Variants in SYNPO2 observed in about 807,000 individuals in gnomAD.
The protein encoded by SYNPO2 is synaptopodin 2.
SYNPO2 carries 56 observed loss-of-function variants against 85.0 expected under a neutral mutation model. That is an observed-to-expected ratio of 0.66 (90% CI 0.53 to 0.82). SYNPO2 has a LOEUF of 0.82. SYNPO2 is among the 40% of genes least tolerant of loss of function. SYNPO2 has a pLI of 0.00. For synonymous variants in SYNPO2, 602 were observed against 591.1 expected, an observed-to-expected ratio of 1.02 and a Z score of -0.27; for missense variants, 1,575 against 1,534.2, an observed-to-expected ratio of 1.03 and a Z score of -0.44.
intron 1 of SYNPO2, among the ~76,000 whole-genome samples, chr4:118,994,938 A>G (rs1487874945): frequency 3.9e-5 from 6 of 152,256 alleles, no homozygotes; most frequent in Admixed American, 6.5e-5. Context: ...TTTTAGGCAT[A>G]TAACCATAGA....
At chr4:118,863,286 C>T (rs554703317) in intron 1 of SYNPO2, among the ~76,000 whole-genome samples, 6 of 152,176 alleles carry the variant, frequency 3.9e-5, no homozygotes, top group Non-Finnish European at 5.9e-5. Flanking sequence ...CTTCAGGCCC[C>T]GATCTTTTGT....
upstream of SYNPO2, among the ~76,000 whole-genome samples, chr4:118,888,374 CTTTT>C (rs2149112366): frequency 6.6e-6 from 1 of 152,196 alleles, no homozygotes; most frequent in Admixed American, 6.5e-5. Context: ...TTTGTGCTTT[CTTTT>C]GTTTCCTCTT....
At chr4:118,948,619 C>T (rs1003219491) in intron 1 of SYNPO2, among the ~76,000 whole-genome samples, 5 of 152,008 alleles carry the variant, frequency 3.3e-5, no homozygotes, top group Admixed American at 6.6e-5. Flanking sequence ...CTTTCAAACA[C>T]GGTGGAAGGG....
chr4:119,056,838 C>A (rs1044902018), intron 4 of SYNPO2, among the ~76,000 whole-genome samples: 1 of 152,138 alleles, frequency 6.6e-6, no homozygotes, highest in African/African-American at 2.4e-5. Context: ...TTAACTACAT[C>A]TAAGAAGCTC....
chr4:118,959,312 G>T (rs80041647), intron 1 of SYNPO2, among the ~76,000 whole-genome samples: 14,570 of 152,282 alleles, frequency 0.096, 794 homozygotes, highest in East Asian at 0.15. Flanking sequence ...CAGTTCCAAA[G>T]AATTTGCTAA....
At chr4:118,875,020 C>G (rs1057069158) in intron 1 of SYNPO2, among the ~76,000 whole-genome samples, 1 of 152,234 alleles carries the variant, frequency 6.6e-6, no homozygotes, top group Non-Finnish European at 1.5e-5. Flanking sequence ...CTCTCCCCAT[C>G]TGACAGGCCC....
intron 1 of SYNPO2, among the ~76,000 whole-genome samples, chr4:118,876,350 C>G (rs190712025): frequency 3.7e-4 from 56 of 152,306 alleles, no homozygotes; most frequent in African/African-American, 1.3e-3. Context: ...TGTCTCAGCT[C>G]AGGGAGGGGT....
chr4:119,028,667 T>G (rs57356077), intron 3 of SYNPO2, among the ~76,000 whole-genome samples: 1,687 of 152,252 alleles, frequency 0.011, 33 homozygotes, highest in African/African-American at 0.039. Context: ...TAAATGCCTG[T>G]AATCATATTA....
At position 118,998,370 on chromosome 4, in the gene SYNPO2, G is replaced by A. The variant is rs72671659; in HGVS notation, c.106-25060G>A. On this transcript the variant is annotated intron_variant, in intron 1 of 4. Coordinates refer to ENST00000307142, the MANE Select transcript of SYNPO2 (RefSeq NM_133477.3). ...ACAAACAAAAGAGAATTATATTATC[G>A]TGTAATATCATGTAATATCGTGTGT... is the stretch of plus-strand genomic sequence containing the variant. Among the ~76,000 whole-genome samples, 1,100 of 152,230 alleles carry A rather than the reference G, an allele frequency of 7.2e-3. 7 individuals carry two copies. The highest frequency in any genetic ancestry group is 0.013 in the Non-Finnish European group (871 of 68,018).
chr4:118,864,985 C>T (rs1006839328), intron 1 of SYNPO2, among the ~76,000 whole-genome samples: 2 of 152,114 alleles, frequency 1.3e-5, no homozygotes, highest in African/African-American at 2.4e-5. Flanking sequence ...ATCAAGGCAT[C>T]GTAAAGGCAG....
intron 1 of SYNPO2, among the ~76,000 whole-genome samples, chr4:118,863,624 T>C (rs749646791): frequency 6.6e-6 from 1 of 152,188 alleles, no homozygotes; most frequent in Non-Finnish European, 1.5e-5. Context: ...TTTATCTTTT[T>C]TTTTTGAGAT....
At chr4:118,989,736 G>C (rs953917541) in intron 1 of SYNPO2, among the ~76,000 whole-genome samples, 2 of 152,220 alleles carry the variant, frequency 1.3e-5, no homozygotes, top group African/African-American at 4.8e-5. Flanking sequence ...TGGGAATCTT[G>C]TGGCACAGAC....
chr4:118,989,727 G>A (rs554371108), intron 1 of SYNPO2, among the ~76,000 whole-genome samples: 1 of 152,312 alleles, frequency 6.6e-6, no homozygotes, highest in South Asian at 2.1e-4. Context: ...CACAGTAACT[G>A]GGAATCTTGT....
At chr4:119,046,515 G>C (rs550491031) in intron 4 of SYNPO2, among the ~76,000 whole-genome samples, 1 of 152,312 alleles carries the variant, frequency 6.6e-6, no homozygotes, top group East Asian at 1.9e-4. Flanking sequence ...TTTTTGTCCT[G>C]GGTCAGCAGC....
chr4:118,876,677 CTTTCT>C (rs1731922539), intron 1 of SYNPO2, among the ~76,000 whole-genome samples: 1 of 19,314 alleles, frequency 5.2e-5, no homozygotes, highest in Middle Eastern at 0.025. Context: ...CTCTTTCTTT[CTTTCT>C]TTCTTTCTTT....
Position 119,030,823 on chromosome 4 carries a change from T to C in SYNPO2, c.2048T>C (p.Ile683Thr). 6.2e-7 allele frequency: 1 copy of C among 1,614,058 alleles called. No individual in the cohort carries two copies. The highest frequency in any genetic ancestry group is 8.5e-7 in the Non-Finnish European group (1 of 1,180,026). Residue 683 changes from isoleucine (I) to threonine (T), a missense_variant, in exon 4 of 5, where the codon ATA (isoleucine) becomes ACA (threonine). Ile to Thr is a moderately conservative substitution (Grantham distance 89). Transcript: ENST00000307142. ...RISVPAKRTG[I>T]LQEAKRRSTT... Reference sequence around the variant, plus strand: ...TCAGTGCCAGCAAAAAGAACAGGAATATTGCAGGAGGCCAAAAGGAGAAGC... The same window carrying C: ...TCAGTGCCAGCAAAAAGAACAGGAACATTGCAGGAGGCCAAAAGGAGAAGC...
intron 1 of SYNPO2, among the ~76,000 whole-genome samples, chr4:118,936,236 C>G (rs1254195699): frequency 6.6e-6 from 1 of 152,162 alleles, no homozygotes; most frequent in Admixed American, 6.5e-5. Flanking sequence ...TAAGAACACT[C>G]TCTGATGTTC....
intron 4 of SYNPO2, chr4:119,034,245 A>G: frequency 1.1e-5 from 11 of 985,486 alleles, no homozygotes; most frequent in Non-Finnish European, 1.3e-5. Flanking sequence ...CATTCTTAAC[A>G]TAGCATTTAA....
At chr4:118,884,902 C>A (rs1232426107), upstream of SYNPO2, among the ~76,000 whole-genome samples, 4 of 152,088 alleles carry the variant, frequency 2.6e-5, no homozygotes, top group African/African-American at 9.7e-5. Context: ...CTTAAGAGAC[C>A]TTTAGACTGA....
Sources: allele counts gnomAD v4.1 joint callset (sites outside exome capture counted in the v4.1 genomes callset), GRCh38; gene constraint gnomAD v4.1.1; transcripts MANE v1.5; gene names NCBI Gene and HGNC (gene_info 2026-07-23, HGNC 2026-07-21).